The following GPHN variants were observed in gnomAD, a reference collection of about 807,000 sequenced individuals.
The protein encoded by GPHN is gephyrin.
In GPHN, 17 loss-of-function variants were observed where a neutral mutation model predicts 95.5. The ratio of observed to expected loss-of-function variants is 0.18; its 90% confidence interval spans 0.12 to 0.27. The LOEUF (loss-of-function observed/expected upper bound fraction) is 0.27. Ranked by LOEUF, GPHN falls within the 10% of genes least tolerant of loss-of-function variation. The probability of loss-of-function intolerance (pLI) is 1.00; values close to 1 mark genes in which losing one functional copy is unlikely to be tolerated. For missense variants in GPHN, 660 were observed against 978.1 expected, an observed-to-expected ratio of 0.67 and a Z score of 4.34; for synonymous variants, 320 against 322.5, an observed-to-expected ratio of 0.99 and a Z score of 0.08.
chr14:66,801,618 T>G (rs995283427), intron 3 of GPHN, among the ~76,000 whole-genome samples: 1 of 24,374 alleles, frequency 4.1e-5, no homozygotes, highest in Admixed American at 4.4e-4. Context: ...TCTCCTCCCC[T>G]CCCCCCGCTC....
At chr14:67,187,628 T>C in the GPHN span, among the ~76,000 whole-genome samples, 2 of 152,242 alleles carry the variant, frequency 1.3e-5, no homozygotes, top group African/African-American at 4.8e-5. Flanking sequence ...CACCTAGTTA[T>C]GGCTTTCAAA....
At chr14:66,546,274 C>T (rs927494697) in intron 1 of GPHN, among the ~76,000 whole-genome samples, 3 of 151,536 alleles carry the variant, frequency 2.0e-5, no homozygotes, top group East Asian at 2.0e-4. Flanking sequence ...AGAGACGCTC[C>T]TCACTTTCCA....
the GPHN span, among the ~76,000 whole-genome samples, chr14:67,630,084 C>A: frequency 6.6e-6 from 1 of 152,132 alleles, no homozygotes; most frequent in Admixed American, 6.5e-5. Flanking sequence ...TTTTCCAGTT[C>A]GGGTAGGGAC....
the GPHN span, chr14:67,600,367 G>T: frequency 3.5e-6 from 2 of 578,560 alleles, no homozygotes; most frequent in Non-Finnish European, 5.8e-6. Context: ...GGGGCTGATG[G>T]TTGTGCGTTC....
intron 20 of GPHN, among the ~76,000 whole-genome samples, chr14:67,167,151 A>G (rs2082327556): frequency 6.6e-6 from 1 of 152,236 alleles, no homozygotes; most frequent in Non-Finnish European, 1.5e-5. Context: ...AATATAGATA[A>G]GCATAAAAAA....
At chr14:66,852,021 T>C (rs765105365) in intron 4 of GPHN, among the ~76,000 whole-genome samples, 1 of 152,214 alleles carries the variant, frequency 6.6e-6, no homozygotes, top group Non-Finnish European at 1.5e-5. Context: ...ACTAGTTTTC[T>C]GAGCCAACCT....
chr14:66,518,006 T>C (rs1266138350), intron 1 of GPHN, among the ~76,000 whole-genome samples: 1 of 151,720 alleles, frequency 6.6e-6, no homozygotes, highest in East Asian at 1.9e-4. Context: ...AAAGGCAGCC[T>C]ATAGAATGGG....
chr14:66,574,530 T>A (rs1222621866), intron 1 of GPHN, among the ~76,000 whole-genome samples: 1 of 152,264 alleles, frequency 6.6e-6, no homozygotes, highest in Non-Finnish European at 1.5e-5. Flanking sequence ...CTAGTTAGCA[T>A]CCTTTACTTT....
the GPHN span, among the ~76,000 whole-genome samples, chr14:67,191,107 G>C: frequency 1.3e-5 from 2 of 152,088 alleles, no homozygotes; most frequent in African/African-American, 4.8e-5. Context: ...GGTGGCGGGC[G>C]CCTCTAATCC....
the GPHN span, chr14:67,572,059 A>G: frequency 6.6e-7 from 1 of 1,521,730 alleles, no homozygotes; most frequent in South Asian, 1.3e-5. Context: ...GTGGGTGGTC[A>G]AGTCTCAGCA....
At chr14:66,621,702 G>A (rs142872472) in intron 1 of GPHN, among the ~76,000 whole-genome samples, 3,050 of 152,126 alleles carry the variant, frequency 0.02, 48 homozygotes, top group African/African-American at 0.03. Context: ...GATTACAGGC[G>A]TGAGCCACCG....
At chr14:66,526,371 G>A (rs2058692648) in intron 1 of GPHN, among the ~76,000 whole-genome samples, 1 of 152,180 alleles carries the variant, frequency 6.6e-6, no homozygotes, top group South Asian at 2.1e-4. Context: ...TCAGCTTAAG[G>A]AGATTTTGGG....
chr14:66,600,675 G>A (rs1057113280), intron 1 of GPHN, among the ~76,000 whole-genome samples: 1 of 151,960 alleles, frequency 6.6e-6, no homozygotes, highest in Non-Finnish European at 1.5e-5. Context: ...TATCACAGGC[G>A]TCTTGTGCTT....
At chr14:66,585,440 G>A (rs2140517097) in intron 1 of GPHN, among the ~76,000 whole-genome samples, 1 of 152,234 alleles carries the variant, frequency 6.6e-6, no homozygotes, top group Admixed American at 6.5e-5. Flanking sequence ...GCGTTTGAAT[G>A]TGTTTGCTCT....
chr14:66,709,206 G>C (rs1281079841), intron 2 of GPHN, among the ~76,000 whole-genome samples: 7 of 152,230 alleles, frequency 4.6e-5, no homozygotes, highest in Admixed American at 3.3e-4. Flanking sequence ...ATAACTAAAA[G>C]ATTAGCAGCC....
intron 1 of GPHN, among the ~76,000 whole-genome samples, chr14:66,535,920 A>G (rs1424428972): frequency 3.3e-5 from 5 of 152,032 alleles, no homozygotes; most frequent in African/African-American, 1.2e-4. Context: ...ATTTCTTTCC[A>G]GTCTTTATAA....
intron 8 of GPHN, among the ~76,000 whole-genome samples, chr14:66,936,584 A>G (rs1267657913): frequency 6.6e-6 from 1 of 152,246 alleles, no homozygotes; most frequent in Non-Finnish European, 1.5e-5. Flanking sequence ...ATAATGAAAT[A>G]CTTTGGAGAA....
chr14:67,336,599 C>T, the GPHN span: 2 of 399,980 alleles, frequency 5.0e-6, no homozygotes, highest in Non-Finnish European at 1.0e-5. Context: ...CCTAGAAAGG[C>T]AGTACGTAAT....
intron 3 of GPHN, among the ~76,000 whole-genome samples, chr14:66,799,296 T>C (rs1379119409): frequency 1.3e-5 from 2 of 151,970 alleles, no homozygotes; most frequent in African/African-American, 4.8e-5. Flanking sequence ...TCTGCAGCCA[T>C]TGTGTGAAAT....
Sources: gnomAD v4.1 joint callset for allele counts (sites outside exome capture counted in the v4.1 genomes callset) on GRCh38, gnomAD v4.1.1 for gene constraint, MANE v1.5 for transcripts, NCBI Gene and HGNC (gene_info 2026-07-23, HGNC 2026-07-21) for gene names.